Variants in SLC4A5 observed in about 807,000 individuals in gnomAD.
The protein encoded by SLC4A5 is solute carrier family 4 member 5, also known as electrogenic sodium bicarbonate cotransporter 4.
A neutral mutation model predicts 120.4 loss-of-function variants in SLC4A5; 96 were observed. That is an observed-to-expected ratio of 0.80 (90% CI 0.68 to 0.94). The LOEUF (loss-of-function observed/expected upper bound fraction) is 0.94, where lower values mean the gene tolerates loss of function less well. Ranked by LOEUF, SLC4A5 falls within the 40% of genes least tolerant of loss-of-function variation. SLC4A5 has a pLI of 0.00. For synonymous variants in SLC4A5, 550 were observed against 571.1 expected (o/e 0.96, Z 0.53); for missense variants, 1,259 against 1,459.5 (o/e 0.86, Z 2.24).
At chr2:74,254,471 T>C (rs984211148) in intron 14 of SLC4A5, 148 bp downstream of exon 14, 6 of 683,904 alleles carry the variant, frequency 8.8e-6, no homozygotes, top group Non-Finnish European at 1.6e-5. Flanking sequence ...GACTATTCCC[T>C]GATTCTCATA....
At chr2:74,237,894 G>A (rs1670317688) in intron 21 of SLC4A5, among the ~76,000 whole-genome samples, 1 of 152,156 alleles carries the variant, frequency 6.6e-6, no homozygotes, top group Non-Finnish European at 1.5e-5. Context: ...CTGAGGTAAG[G>A]AGTTCAAGAC....
intron 7 of SLC4A5, among the ~76,000 whole-genome samples, chr2:74,301,837 C>G (rs561715888): frequency 6.6e-6 from 1 of 152,286 alleles, no homozygotes; most frequent in East Asian, 1.9e-4. Context: ...TGGTTGGTGA[C>G]TTTGTTACCA....
exon 18 of SLC4A5, chr2:74,248,426 C>T (rs1305879566): frequency 6.2e-7 from 1 of 1,614,150 alleles, no homozygotes; most frequent in South Asian, 1.1e-5. Context: ...AGAGGCTGTC[C>T]CGAGAAGAGG....
chr2:74,254,717 G>T lies in SLC4A5; in HGVS notation c.1026-11C>A, dbSNP rs756438918. ...AGTATAAACAGAAATCTGCAAAGAA[G>T]ATGGAGGAGGAGACAGAGAAGATTA... is the stretch of plus-strand genomic sequence containing the variant. On this transcript the variant is annotated splice_polypyrimidine_tract_variant and intron_variant, in intron 13 of 30. Coordinates refer to ENST00000394019, the Ensembl canonical transcript of SLC4A5. 6.3e-7 allele frequency: 1 copy of T among 1,579,452 alleles called. No homozygotes were observed.
At chr2:74,238,323 A>T (rs1558871628) in intron 21 of SLC4A5, among the ~76,000 whole-genome samples, 1 of 152,084 alleles carries the variant, frequency 6.6e-6, no homozygotes, top group Non-Finnish European at 1.5e-5. Flanking sequence ...TTCTTCCCAA[A>T]CAGAGGCAAA....
At chr2:74,337,787 C>A (rs1181636715) in intron 3 of SLC4A5, among the ~76,000 whole-genome samples, 1 of 152,130 alleles carries the variant, frequency 6.6e-6, no homozygotes, top group Non-Finnish European at 1.5e-5. Context: ...AACTATCTGC[C>A]CCTGTTGTCT....
At chr2:74,224,981 G>T (rs966006327) in exon 28 of SLC4A5, 4 of 1,613,970 alleles carry the variant, frequency 2.5e-6, no homozygotes, top group African/African-American at 2.7e-5. Flanking sequence ...TTCGAACGAT[G>T]ATGAGGCCCA....
intron 5 of SLC4A5, among the ~76,000 whole-genome samples, chr2:74,316,450 G>T (rs762723796): frequency 7.2e-5 from 11 of 151,748 alleles, no homozygotes; most frequent in Non-Finnish European, 1.3e-4. Context: ...CAAAATCCTG[G>T]CCAAGACAGG....
At chr2:74,220,126 GCCCCTGGCATCTT>G (rs1694577761) in intron 30 of SLC4A5, among the ~76,000 whole-genome samples, 1 of 152,226 alleles carries the variant, frequency 6.6e-6, no homozygotes, top group Admixed American at 6.5e-5. Flanking sequence ...GAGTGGGACT[GCCCCTGGCATCTT>G]CCCAAGTAAC....
Position 74,255,012 on chromosome 2 carries a change from G to A in SLC4A5, c.1026-306C>T, listed in dbSNP as rs139693627. ...TTTTTTGTATTTTCAGTAGATACAG[G>A]GTTTCACCATGCTGCCCAGGCTGGT... On this transcript the variant is annotated intron_variant, in intron 13 of 30. Coordinates refer to ENST00000394019, the Ensembl canonical transcript of SLC4A5. The surrounding 1 kb of genome is among the most constrained non-coding windows in gnomAD (Gnocchi z 4.0). 3.9e-3 allele frequency among the ~76,000 whole-genome samples: 588 copies of A among 152,054 alleles called. 6 individuals are homozygous for A. Among genetic ancestry groups the A allele is most frequent in the Middle Eastern group, 0.014 (4 of 294 alleles).
chr2:74,286,494 C>A (rs1297064690), intron 7 of SLC4A5, among the ~76,000 whole-genome samples: 1 of 152,224 alleles, frequency 6.6e-6, no homozygotes, highest in Admixed American at 6.5e-5. Context: ...AAACACACTT[C>A]ACCTGTGTTC....
At chr2:74,267,345 T>C (rs1289540125) in intron 8 of SLC4A5, among the ~76,000 whole-genome samples, 3 of 152,190 alleles carry the variant, frequency 2.0e-5, no homozygotes, top group African/African-American at 4.8e-5. Flanking sequence ...GTAATATGTA[T>C]ACAAGGACGC....
intron 21 of SLC4A5, among the ~76,000 whole-genome samples, chr2:74,238,488 C>A (rs566613287): frequency 6.6e-6 from 1 of 152,060 alleles, no homozygotes; most frequent in African/African-American, 2.4e-5. Context: ...TTATAAGCTA[C>A]AGAAATGAAG....
chr2:74,315,828 C>T (rs936605678), intron 5 of SLC4A5, among the ~76,000 whole-genome samples: 1 of 151,600 alleles, frequency 6.6e-6, no homozygotes, highest in Admixed American at 6.6e-5. Flanking sequence ...GCAATCTATG[C>T]TTTTGTTTTT....
chr2:74,306,529 T>A (rs1672649830), intron 6 of SLC4A5, among the ~76,000 whole-genome samples: 1 of 152,248 alleles, frequency 6.6e-6, no homozygotes, highest in Non-Finnish European at 1.5e-5. Flanking sequence ...CTTTTCGTGT[T>A]TCTTTCCTTT....
rs1219522922 is a variant in SLC4A5, at chr2:74,250,325, G to A, written c.1653+18C>T. On this transcript the variant is annotated intron_variant, in intron 17 of 30. Transcript: ENST00000394019. The stretch of plus-strand genomic sequence containing the variant: ...GGCAGATCTTACTTTTACACTCAGG[G>A]CACCGGCTCGCACACACCTGATAAT... 6.2e-7 allele frequency: 1 copy of A among 1,609,828 alleles called. No homozygotes were observed. The highest frequency in any genetic ancestry group is 8.5e-7 in the Non-Finnish European group (1 of 1,177,072).
chr2:74,247,694 T>C (rs538947830), intron 18 of SLC4A5, among the ~76,000 whole-genome samples: 66 of 152,160 alleles, frequency 4.3e-4, no homozygotes, highest in African/African-American at 1.5e-3. Flanking sequence ...TTTGTATTTT[T>C]AGTAGAGACG....
At chr2:74,325,913 G>A (rs1673206926) in intron 5 of SLC4A5, among the ~76,000 whole-genome samples, 1 of 151,052 alleles carries the variant, frequency 6.6e-6, no homozygotes, top group African/African-American at 2.4e-5. Context: ...GAAAGGAAAG[G>A]AAAGGAAAGG....
At chr2:74,246,336 C>G (rs533587271) in intron 19 of SLC4A5, among the ~76,000 whole-genome samples, 3 of 152,298 alleles carry the variant, frequency 2.0e-5, no homozygotes, top group Non-Finnish European at 2.9e-5. Flanking sequence ...GTGGTTAACG[C>G]CCACCATTGT....
Sources: gnomAD v4.1 joint callset for allele counts (sites outside exome capture counted in the v4.1 genomes callset) on GRCh38, gnomAD v4.1.1 for gene constraint, Gnocchi (gnomAD v3.1) non-coding constraint, MANE v1.5 for transcripts, NCBI Gene and HGNC (gene_info 2026-07-23, HGNC 2026-07-21) for gene names.